SNX8: variants seen among roughly 807,000 people sequenced by gnomAD.
SNX8 encodes sorting nexin-8.
Under a neutral mutation model 51.6 loss-of-function variants are expected in SNX8, and 25 were observed. That is an observed-to-expected ratio of 0.48 (90% CI 0.35 to 0.68). The LOEUF (loss-of-function observed/expected upper bound fraction) is 0.68, where lower values mean the gene tolerates loss of function less well. SNX8 is among the 30% of genes least tolerant of loss of function. The pLI is 0.00. For missense variants in SNX8, 695 were observed against 624.0 expected, an observed-to-expected ratio of 1.11 and a Z score of -1.21; for synonymous variants, 324 against 277.0, an observed-to-expected ratio of 1.17 and a Z score of -1.68.
chr7:2,289,442 C>T (rs1383611972), intron 1 of SNX8, among the ~76,000 whole-genome samples: 1 of 152,206 alleles, frequency 6.6e-6, no homozygotes, highest in Non-Finnish European at 1.5e-5. Context: ...CCAGCTGCCT[C>T]GCACACGAGC....
Position 2,320,082 on chromosome 7 carries a change from C to A in SNX8, c.-66+34140G>T, listed in dbSNP as rs117686640. Among the ~76,000 whole-genome samples the A allele has an allele frequency of 2.0e-3, 300 of 151,754 alleles. 2 individuals are homozygous for A. The South Asian group carries it at 0.025, about 13-fold the overall frequency. On this transcript the variant is annotated intron_variant, in intron 1 of 5. Transcript: ENST00000435336. ...TTTACATTTTACATGTGAGGCCAGGCACATGGCTCACGCCTGTAATCCCAG... is the reference window on the plus strand; with the variant it reads ...TTTACATTTTACATGTGAGGCCAGGAACATGGCTCACGCCTGTAATCCCAG...
At chr7:2,341,453 C>T (rs1037066166) in intron 1 of SNX8, among the ~76,000 whole-genome samples, 2 of 151,612 alleles carry the variant, frequency 1.3e-5, no homozygotes, top group Non-Finnish European at 2.9e-5. Context: ...GAGCTGAGGT[C>T]GCACTACTGC....
intron 9 of SNX8, 51 bp from the exon 10 acceptor site, chr7:2,257,074 C>A: frequency 6.5e-7 from 1 of 1,537,014 alleles, no homozygotes; most frequent in Non-Finnish European, 8.8e-7. Flanking sequence ...GCGACGGGAG[C>A]ACCAAGGCCC....
chr7:2,347,500 G>GAA (rs149332685), intron 1 of SNX8, among the ~76,000 whole-genome samples: 17 of 125,306 alleles, frequency 1.4e-4, no homozygotes, highest in Admixed American at 8.8e-4. Context: ...AAAAAAAAAA[G>GAA]AAAAAAAAAA....
intron 5 of SNX8, among the ~76,000 whole-genome samples, chr7:2,266,362 C>CT (rs932143342): frequency 1.0e-4 from 13 of 127,066 alleles, no homozygotes; most frequent in African/African-American, 2.8e-4. Flanking sequence ...TTTTTTTTTT[C>CT]TTTTTTTTGA....
Position 2,252,873 on chromosome 7 carries a change from T to TC in SNX8, c.*2182dup, listed in dbSNP as rs1342316774. ...TCTCCTCACCCCTGCTCTCCTGCTC[T>TC]CTCACCCCTGCCCCCTTGCTCTCTC... is the stretch of plus-strand genomic sequence containing the variant. On this transcript the variant is annotated 3_prime_UTR_variant, in exon 11 of 11. Coordinates refer to ENST00000222990, the MANE Select transcript of SNX8 (RefSeq NM_013321.4). The TC allele has an allele frequency of 1.4e-5, 1 of 72,936 alleles. No individual in the cohort carries two copies. Among genetic ancestry groups the TC allele is most frequent in the African/African-American group, 5.3e-5 (1 of 18,854 alleles). The allele number at this position is 72,936 out of a possible 1,614,324, so 4.5% of individuals were successfully genotyped here.
chr7:2,298,850 C>T (rs1319899096), intron 1 of SNX8, among the ~76,000 whole-genome samples: 3 of 151,390 alleles, frequency 2.0e-5, no homozygotes, highest in East Asian at 1.9e-4. Context: ...TGCTACCACG[C>T]CTAGCTAATT....
intron 1 of SNX8, among the ~76,000 whole-genome samples, 163 bp downstream of exon 1, chr7:2,314,165 G>C (rs1047827987): frequency 1.6e-4 from 24 of 152,226 alleles, no homozygotes; most frequent in Non-Finnish European, 1.5e-5. Context: ...AGGCGCGCAG[G>C]AGGGCAGGGG....
upstream of SNX8, among the ~76,000 whole-genome samples, chr7:2,318,234 A>G (rs1796784864): frequency 6.6e-6 from 1 of 152,048 alleles, no homozygotes; most frequent in Admixed American, 6.6e-5. Flanking sequence ...TTTGGTCTCA[A>G]ACTAGATTAT....
At chr7:2,318,396 C>T (rs902515740), upstream of SNX8, among the ~76,000 whole-genome samples, 8 of 151,714 alleles carry the variant, frequency 5.3e-5, no homozygotes, top group African/African-American at 1.5e-4. Context: ...CTCTACCGGG[C>T]GCCTGTAATC....
chr7:2,353,845 A>G (rs950320018), intron 1 of SNX8, among the ~76,000 whole-genome samples: 1 of 152,080 alleles, frequency 6.6e-6, no homozygotes, highest in South Asian at 2.1e-4. Context: ...CCTAAGCTCA[A>G]GCGATCTTCC....
chr7:2,299,038 C>T (rs1796334821), intron 1 of SNX8, among the ~76,000 whole-genome samples: 1 of 151,900 alleles, frequency 6.6e-6, no homozygotes, highest in Non-Finnish European at 1.5e-5. Flanking sequence ...TACCAAATTC[C>T]CAGATCAAAC....
chr7:2,257,834 G>C, intron 7 of SNX8, 31 bp from the exon 8 acceptor site: 1 of 1,603,176 alleles, frequency 6.2e-7, no homozygotes, highest in Non-Finnish European at 8.5e-7. Flanking sequence ...CACCCACGCG[G>C]ACGCACATAG....
At position 2,260,109 on chromosome 7, in the gene SNX8, T is replaced by C. The variant is rs555413165; in HGVS notation, c.916-2306A>G. ...CAGAAAGTTTACAGATTTGGCTTTT[T>C]TTTTGAGACAGAGTCTTGCTCTGTT... On this transcript the variant is annotated intron_variant, in intron 7 of 10. Transcript: ENST00000222990. 2.0e-5 allele frequency among the ~76,000 whole-genome samples: 3 copies of C among 152,302 alleles called. No homozygotes were observed. In the South Asian group the frequency reaches 6.2e-4, roughly 32 times the overall value.
chr7:2,302,462 C>T (rs190383554), intron 1 of SNX8, among the ~76,000 whole-genome samples: 7,349 of 152,242 alleles, frequency 0.048, 322 homozygotes, highest in African/African-American at 0.11. Flanking sequence ...CAACCTCCAC[C>T]TCCCAGCCGC....
At chr7:2,299,998 G>A (rs963356117) in intron 1 of SNX8, among the ~76,000 whole-genome samples, 1 of 152,122 alleles carries the variant, frequency 6.6e-6, no homozygotes, top group African/African-American at 2.4e-5. Flanking sequence ...CTGCCTTAAG[G>A]GTAGACAACA....
In SNX8 at chr7:2,252,405, G is replaced by A. The variant is rs1405265503; in HGVS notation, c.*2651C>T. ...GACCTGCCCGGGCAGCACAGGGCCA[G>A]GGCCAAGAAGTATTTGTGAGAAGGA... On this transcript the variant is annotated 3_prime_UTR_variant, in exon 11 of 11. Transcript: ENST00000222990. The A allele has an allele frequency of 6.6e-6, 1 of 152,430 alleles. No homozygotes were observed. The highest frequency in any genetic ancestry group is 1.5e-5 in the Non-Finnish European group (1 of 68,202). 9.4% of individuals were successfully genotyped at this position (152,430 alleles called of 1,614,324 possible).
upstream of SNX8, among the ~76,000 whole-genome samples, chr7:2,319,327 G>A (rs1584737253): frequency 6.6e-6 from 1 of 150,732 alleles, no homozygotes; most frequent in African/African-American, 2.4e-5. Context: ...GGGTGACAGA[G>A]TAAGACCCTG....
chr7:2,281,898 A>AC (rs1172269007), intron 1 of SNX8, among the ~76,000 whole-genome samples: 2 of 151,488 alleles, frequency 1.3e-5, no homozygotes, highest in African/African-American at 4.9e-5. Flanking sequence ...TACTACAGCA[A>AC]CCCCCCACAG....
Sources: gnomAD v4.1 joint callset for allele counts (sites outside exome capture counted in the v4.1 genomes callset) on GRCh38, gnomAD v4.1.1 for gene constraint, MANE v1.5 for transcripts, NCBI Gene and HGNC (gene_info 2026-07-23, HGNC 2026-07-21) for gene names.